Variants in DYNC1I1 observed in about 807,000 individuals in gnomAD.
DYNC1I1 encodes dynein cytoplasmic 1 intermediate chain 1.
In DYNC1I1, 43 loss-of-function variants were observed where a neutral mutation model predicts 86.6. That is an observed-to-expected ratio of 0.50 (90% CI 0.39 to 0.64). DYNC1I1 has a LOEUF of 0.64. Among genes scored for constraint, DYNC1I1 ranks in the 30% least tolerant of loss-of-function variants. The pLI is 0.00. For missense variants in DYNC1I1, 604 were observed against 788.8 expected (o/e 0.77, Z 2.81); for synonymous variants, 262 against 283.7 (o/e 0.92, Z 0.77).
At chr7:95,778,179 T>C (rs776526607) in intron 1 of DYNC1I1, among the ~76,000 whole-genome samples, 1 of 152,234 alleles carries the variant, frequency 6.6e-6, no homozygotes, top group Non-Finnish European at 1.5e-5. Flanking sequence ...TATTTGTCTT[T>C]AACCTTATAT....
At chr7:95,954,063 A>C (rs2116487439) in intron 6 of DYNC1I1, among the ~76,000 whole-genome samples, 1 of 152,168 alleles carries the variant, frequency 6.6e-6, no homozygotes, top group East Asian at 1.9e-4. Flanking sequence ...GCTGAAAGAA[A>C]ACATGAACTC....
intron 6 of DYNC1I1, among the ~76,000 whole-genome samples, chr7:95,919,449 GT>G (rs1220747151): frequency 2.0e-5 from 3 of 152,092 alleles, no homozygotes; most frequent in Admixed American, 2.0e-4. Context: ...TTGGTTTCAT[GT>G]TTCTAAATAA....
intron 14 of DYNC1I1, among the ~76,000 whole-genome samples, chr7:96,056,692 A>G (rs184106715): frequency 6.6e-6 from 1 of 152,012 alleles, no homozygotes; most frequent in African/African-American, 2.4e-5. Flanking sequence ...CTCTATATAT[A>G]TCTATATCTA....
chr7:95,832,413 G>A (rs1219809207), intron 5 of DYNC1I1, among the ~76,000 whole-genome samples: 1 of 151,754 alleles, frequency 6.6e-6, no homozygotes, highest in Non-Finnish European at 1.5e-5. Context: ...ATTGTGAATA[G>A]TGCCGCAATA....
intron 6 of DYNC1I1, among the ~76,000 whole-genome samples, chr7:95,927,521 A>G (rs897971087): frequency 9.2e-5 from 14 of 152,144 alleles, no homozygotes; most frequent in African/African-American, 3.4e-4. Context: ...TACTATATAG[A>G]TGTTAAATTT....
chr7:95,785,773 G>GTGTA (rs1554382738), intron 1 of DYNC1I1, among the ~76,000 whole-genome samples: 2,066 of 55,994 alleles, frequency 0.037, 39 homozygotes, highest in East Asian at 0.11. Context: ...ATGTGTGTAT[G>GTGTA]TGTATATATA....
At chr7:95,936,954 T>TCACA (rs1491214381) in intron 6 of DYNC1I1, among the ~76,000 whole-genome samples, 211 of 32,566 alleles carry the variant, frequency 6.5e-3, no homozygotes, top group African/African-American at 0.016. Flanking sequence ...AAAGAATATG[T>TCACA]CTCACACACA....
At chr7:96,056,913 T>C (rs1011377822) in intron 14 of DYNC1I1, among the ~76,000 whole-genome samples, 1 of 152,198 alleles carries the variant, frequency 6.6e-6, no homozygotes, top group African/African-American at 2.4e-5. Flanking sequence ...TACCAAAGAA[T>C]AGTAGTCCTG....
Position 95,813,253 on chromosome 7 carries a change from C to A in DYNC1I1, c.230C>A (p.Thr77Asn). ...GISPEPPLVP[T>N]PMSPSSKSVS... Reference sequence around the variant, plus strand: ...TGTTATTTTCATTATTTAGTCCCAACCCCTATGTCTCCCTCCTCGAAATCA... The same window carrying A: ...TGTTATTTTCATTATTTAGTCCCAAACCCTATGTCTCCCTCCTCGAAATCA... The change falls in exon 4 of 17, where the codon ACC becomes AAC. Residue 77 changes from threonine to asparagine, a missense_variant. Coordinates refer to ENST00000447467, the MANE Select transcript of DYNC1I1 (RefSeq NM_001135556.2). 2 of 1,613,174 alleles carry A rather than the reference C, an allele frequency of 1.2e-6. No individual in the cohort carries two copies. Among genetic ancestry groups the A allele is most frequent in the Non-Finnish European group, 1.7e-6 (2 of 1,179,592 alleles).
At chr7:95,903,428 C>G (rs555801196) in intron 6 of DYNC1I1, among the ~76,000 whole-genome samples, 258 of 152,252 alleles carry the variant, frequency 1.7e-3, no homozygotes, top group Non-Finnish European at 2.7e-3. Flanking sequence ...CTAGTCACAG[C>G]TAGTTCTAGC....
At chr7:95,843,051 G>A (rs1384859043) in intron 5 of DYNC1I1, among the ~76,000 whole-genome samples, 1 of 152,164 alleles carries the variant, frequency 6.6e-6, no homozygotes, top group Non-Finnish European at 1.5e-5. Flanking sequence ...GCTAATTCCT[G>A]CTACTGAAGC....
chr7:95,868,667 T>C (rs113054815), intron 5 of DYNC1I1, among the ~76,000 whole-genome samples: 156 of 152,276 alleles, frequency 1.0e-3, no homozygotes, highest in African/African-American at 3.5e-3. Flanking sequence ...AAAACAATGT[T>C]CCAGAAGCTG....
intron 6 of DYNC1I1, among the ~76,000 whole-genome samples, chr7:95,915,482 A>G (rs1791445886): frequency 6.6e-6 from 1 of 152,172 alleles, no homozygotes; most frequent in African/African-American, 2.4e-5. Context: ...AGGTAAAGCT[A>G]TTTTTTTAAA....
intron 14 of DYNC1I1, among the ~76,000 whole-genome samples, chr7:96,069,160 T>G (rs1313022129): frequency 2.0e-5 from 3 of 152,156 alleles, no homozygotes; most frequent in African/African-American, 4.8e-5. Flanking sequence ...CTAATCAACC[T>G]GATCATCGTA....
At chr7:95,828,952 C>T (rs995504257) in intron 5 of DYNC1I1, among the ~76,000 whole-genome samples, 20 of 152,114 alleles carry the variant, frequency 1.3e-4, no homozygotes, top group Admixed American at 1.3e-4. Context: ...GGAAATCAGC[C>T]ACGGTGGAAG....
intron 6 of DYNC1I1, among the ~76,000 whole-genome samples, 178 bp downstream of exon 6, chr7:95,870,176 C>T (rs1053717908): frequency 6.6e-5 from 10 of 152,326 alleles, no homozygotes; most frequent in African/African-American, 2.4e-4. Context: ...CTCGGTGATA[C>T]TCTTCCAAGT....
At chr7:96,088,394 G>A (rs1369503756) in intron 16 of DYNC1I1, among the ~76,000 whole-genome samples, 1 of 152,138 alleles carries the variant, frequency 6.6e-6, no homozygotes, top group Non-Finnish European at 1.5e-5. Context: ...CCTTCTGAAA[G>A]AAGAACCAGT....
intron 6 of DYNC1I1, among the ~76,000 whole-genome samples, chr7:95,899,951 G>A (rs1790992907): frequency 6.6e-6 from 1 of 152,110 alleles, no homozygotes; most frequent in Non-Finnish European, 1.5e-5. Context: ...CAGAAATAGT[G>A]GTGAATAATG....
chr7:95,892,989 C>T (rs1790784215), intron 6 of DYNC1I1, among the ~76,000 whole-genome samples: 1 of 152,146 alleles, frequency 6.6e-6, no homozygotes, highest in Non-Finnish European at 1.5e-5. Context: ...GCAAATTCTG[C>T]CATAAACTCT....
Sources: allele counts gnomAD v4.1 joint callset (sites outside exome capture counted in the v4.1 genomes callset), GRCh38; gene constraint gnomAD v4.1.1; transcripts MANE v1.5; gene names NCBI Gene and HGNC (gene_info 2026-07-23, HGNC 2026-07-21).